TCP11: variants seen among roughly 807,000 people sequenced by gnomAD.
The protein encoded by TCP11 is T-complex protein 11 homolog.
TCP11 carries 34 observed loss-of-function variants against 45.0 expected under a neutral mutation model. That is an observed-to-expected ratio of 0.76 (90% CI 0.57 to 1.01). The LOEUF is 1.01. Among genes scored for constraint, TCP11 ranks in the 50% least tolerant of loss-of-function variants. TCP11 has a pLI of 0.00. For synonymous variants in TCP11, 227 were observed against 227.0 expected, an observed-to-expected ratio of 1.00 and a Z score of 0.00; for missense variants, 523 against 598.1, an observed-to-expected ratio of 0.87 and a Z score of 1.31.
chr6:35,141,141 C>T (rs1369164543), intron 1 of TCP11, 64 bp downstream of exon 1: 5 of 1,312,356 alleles, frequency 3.8e-6, no homozygotes, highest in Non-Finnish European at 4.8e-6. Context: ...CCTTCCTTCG[C>T]GGCGAGGTGC....
At chr6:35,133,510 G>A (rs1780693454) in intron 3 of TCP11, among the ~76,000 whole-genome samples, 1 of 151,856 alleles carries the variant, frequency 6.6e-6, no homozygotes, top group Non-Finnish European at 1.5e-5. Flanking sequence ...ATAAAATCTG[G>A]GCCAGGTGTG....
intron 4 of TCP11, among the ~76,000 whole-genome samples, chr6:35,127,207 G>T (rs1779924013): frequency 6.6e-6 from 1 of 152,178 alleles, no homozygotes; most frequent in African/African-American, 2.4e-5. Flanking sequence ...GTAAAAAAAG[G>T]AGTTACTGTA....
intron 3 of TCP11, among the ~76,000 whole-genome samples, chr6:35,130,741 T>C (rs952063800): frequency 4.6e-5 from 7 of 152,054 alleles, no homozygotes; most frequent in African/African-American, 1.2e-4. Context: ...TATAGAGAAA[T>C]AGGAACTCAC....
chr6:35,119,077 C>T (rs892681038), intron 9 of TCP11, 151 bp downstream of exon 9: 22 of 996,520 alleles, frequency 2.2e-5, no homozygotes, highest in Middle Eastern at 3.0e-4. Context: ...TAAACTGAGA[C>T]GGATATGATT....
intron 4 of TCP11, 44 bp downstream of exon 4, chr6:35,129,018 G>C (rs1165632040): frequency 1.9e-6 from 3 of 1,604,120 alleles, no homozygotes; most frequent in Non-Finnish European, 2.6e-6. Flanking sequence ...CAATGAGCTG[G>C]AGATGTCTAG....
Position 35,120,213 on chromosome 6 carries a change from A to G in TCP11, c.1061T>C (p.Phe354Ser). The G allele has an allele frequency of 6.2e-7, 1 of 1,614,216 alleles. No homozygotes were observed. Among genetic ancestry groups the G allele is most frequent in the South Asian group, 1.1e-5 (1 of 91,084 alleles). ...GGTTATGCGTTTCAGTTTATCTACA[A>G]ATTGGGGTGAGCCAAACAAAACACT... ...SGSVLFGSPQ[F>S]VDKLKRITKS... Residue 354 changes from phenylalanine to serine, a missense_variant, in exon 8 of 10, where the codon TTT (phenylalanine) becomes TCT (serine). Phe to Ser is a radical substitution (Grantham distance 155). Coordinates refer to ENST00000311875, the MANE Select transcript of TCP11 (RefSeq NM_001370687.1). The surrounding 1 kb of genome is among the most constrained non-coding windows in gnomAD (Gnocchi z 4.9).
In TCP11 at chr6:35,120,922, G is replaced by C. The variant is rs778994774; in HGVS notation, c.702C>G (p.Leu234=). ...QYERAKFQEL[L]NKQPSLLNHT... ...TTATATACATACTAGGCTGCTTATT[G>C]AGGAGTTCCTGGAATTTAGCCCGTT... Residue 234 remains leucine, a synonymous_variant, in exon 6 of 10, where the codon CTC becomes CTG. Coordinates refer to ENST00000311875, the MANE Select transcript of TCP11 (RefSeq NM_001370687.1). The surrounding 1 kb of genome is among the most constrained non-coding windows in gnomAD (Gnocchi z 4.9). The C allele has an allele frequency of 1.2e-6, 2 of 1,613,622 alleles. No homozygotes were observed. The highest frequency in any genetic ancestry group is 1.7e-6 in the Non-Finnish European group (2 of 1,179,834).
In TCP11 at chr6:35,120,305, C is replaced by T. The variant is rs1779085487; in HGVS notation, c.969G>A (p.Leu323=). 1.9e-6 allele frequency: 3 copies of T among 1,614,190 alleles called. No individual in the cohort carries two copies. The highest frequency in any genetic ancestry group is 2.5e-6 in the Non-Finnish European group (3 of 1,179,986). The change falls in exon 8 of 10, where the codon CTG becomes CTA. Residue 323 remains leucine (L), a synonymous_variant. Transcript: ENST00000311875. The surrounding 1 kb of genome is among the most constrained non-coding windows in gnomAD (Gnocchi z 4.9). ...CGGTTAACTGGTGCAACTGGGACTT[C>T]AGCTCCTGCAGCCGGGTTCTGTCCA... is the stretch of plus-strand genomic sequence containing the variant. The part of the protein sequence containing the change: ...LLMDRTRLQE[L]KSQLHQLTVM...
chr6:35,124,882 AT>A (rs1330695085), intron 4 of TCP11, among the ~76,000 whole-genome samples: 1 of 150,834 alleles, frequency 6.6e-6, no homozygotes, highest in Non-Finnish European at 1.5e-5. Flanking sequence ...ATAATAAAAA[AT>A]ATATATATAT....
In TCP11 at chr6:35,127,000, A is replaced by G. The variant is rs189678918; in HGVS notation, c.357+2062T>C. Among the ~76,000 whole-genome samples, 305 of 152,152 alleles carry G rather than the reference A, an allele frequency of 2.0e-3. 1 individual carries two copies. The highest frequency in any genetic ancestry group is 4.8e-3 in the African/African-American group (199 of 41,516). Reference sequence around the variant, plus strand: ...GTGCTGTCCCCTAATGCCAGAATACATGGGTCCAGGAATCAAGCAGTAGAA... The same window carrying G: ...GTGCTGTCCCCTAATGCCAGAATACGTGGGTCCAGGAATCAAGCAGTAGAA... On this transcript the variant is annotated intron_variant, in intron 4 of 9. Coordinates refer to ENST00000311875, the MANE Select transcript of TCP11 (RefSeq NM_001370687.1).
chr6:35,119,722 T>TTA (rs1554165841), intron 8 of TCP11, among the ~76,000 whole-genome samples: 15 of 152,326 alleles, frequency 9.8e-5, no homozygotes, highest in African/African-American at 2.6e-4. Context: ...GACTTTATTT[T>TTA]TATATATATA....
In TCP11 at chr6:35,120,903, A is replaced by G. The variant is rs923485179; in HGVS notation, c.715+6T>C. The G allele has an allele frequency of 2.5e-6, 4 of 1,612,342 alleles. No homozygotes were observed. Among genetic ancestry groups the G allele is most frequent in the Non-Finnish European group, 8.5e-7 (1 of 1,179,254 alleles). ...TCCCACTCCTGCCCTCACATTATAT[A>G]CATACTAGGCTGCTTATTGAGGAGT... is the stretch of plus-strand genomic sequence containing the variant. On this transcript the variant is annotated splice_donor_region_variant and intron_variant, in intron 6 of 9. Coordinates refer to ENST00000311875, the MANE Select transcript of TCP11 (RefSeq NM_001370687.1). The surrounding 1 kb of genome is among the most constrained non-coding windows in gnomAD (Gnocchi z 4.9).
At chr6:35,129,221 CA>C in intron 3 of TCP11, 39 bp from the exon 4 acceptor site, 5 of 1,591,488 alleles carry the variant, frequency 3.1e-6, no homozygotes, top group East Asian at 2.3e-5. Context: ...TCTCTCAACC[CA>C]AAAACAGTTA....
rs994258881 is a variant in TCP11, at chr6:35,118,127, T to G, written c.*142A>C. On this transcript the variant is annotated 3_prime_UTR_variant, in exon 10 of 10. Transcript: ENST00000311875. ...GGGTATGGACCAGTTGGTGTTTACATGCTTGATCCCTACAGCCTTGGTGTA... is the reference window on the plus strand; with the variant it reads ...GGGTATGGACCAGTTGGTGTTTACAGGCTTGATCCCTACAGCCTTGGTGTA... 8.1e-5 allele frequency: 56 copies of G among 692,858 alleles called. No individual in the cohort carries two copies. Among genetic ancestry groups the G allele is most frequent in the Middle Eastern group, 7.6e-4 (2 of 2,618 alleles). The allele number at this position is 692,858 out of a possible 1,614,324, so 42.9% of individuals were successfully genotyped here. A position where few individuals can be genotyped will look rare whatever the true frequency, so the allele number is the denominator to read the frequency against.
Position 35,122,159 on chromosome 6 carries a change from A to G in TCP11, c.536T>C (p.Val179Ala). The change falls in exon 5 of 10, where the codon GTG (valine) becomes GCG (alanine). Residue 179 changes from valine to alanine, a missense_variant. Val to Ala is a moderately conservative substitution (Grantham distance 64). This residue lies in a region of TCP11 where 298 missense variants were observed against 387.9 expected (regional missense o/e 0.77). Transcript: ENST00000311875. Reference protein sequence around the residue: ...LLCAPVRDEAVQKLENITDPV... With the variant: ...LLCAPVRDEAAQKLENITDPV... ...ATCCGTAATGTTTTCTAGTTTCTGC[A>G]CTGCTTCATCTCGAACTGGTGCACA... 1.9e-6 allele frequency: 3 copies of G among 1,614,192 alleles called. No individual in the cohort carries two copies. Among genetic ancestry groups the G allele is most frequent in the Non-Finnish European group, 2.5e-6 (3 of 1,180,032 alleles).
Position 35,118,517 on chromosome 6 carries a change from G to T in TCP11, c.1280-16C>A, listed in dbSNP as rs1461505366. 3 of 1,609,118 alleles carry T rather than the reference G, an allele frequency of 1.9e-6. No homozygotes were observed. Among genetic ancestry groups the T allele is most frequent in the East Asian group, 2.2e-5 (1 of 44,848 alleles). On this transcript the variant is annotated splice_polypyrimidine_tract_variant and intron_variant, in intron 9 of 9. Transcript: ENST00000311875. ...ATCCGCTGATCTGTGAGCAGGAAAA[G>T]ACACTGATAAGGGAAAAGGCAAACA...
At chr6:35,126,650 C>CTT (rs56010838) in intron 4 of TCP11, among the ~76,000 whole-genome samples, 1,317 of 66,878 alleles carry the variant, frequency 0.02, 78 homozygotes, top group Middle Eastern at 0.042. Flanking sequence ...GAATCAAAGA[C>CTT]TTTTTTTTTT....
At position 35,120,054 on chromosome 6, in the gene TCP11, G is replaced by T; in HGVS notation, c.1115+105C>A. The T allele has an allele frequency of 7.3e-7, 1 of 1,365,880 alleles. No individual in the cohort carries two copies. Among genetic ancestry groups the T allele is most frequent in the African/African-American group, 1.5e-5 (1 of 68,954 alleles). 84.6% of individuals were successfully genotyped at this position (1,365,880 alleles called of 1,614,324 possible). On this transcript the variant is annotated intron_variant, in intron 8 of 9. Transcript: ENST00000311875. The surrounding 1 kb of genome is among the most constrained non-coding windows in gnomAD (Gnocchi z 4.9). ...CAATCTTTGTAGATGGTTCCACAGG[G>T]CCTTTCTGTGGTTTGTGGTAGACAG...
In TCP11 at chr6:35,141,298, G is replaced by A. The variant is rs1781761866; in HGVS notation, c.-108C>T. The A allele has an allele frequency of 3.9e-6, 5 of 1,288,138 alleles. No individual in the cohort carries two copies. Among genetic ancestry groups the A allele is most frequent in the Admixed American group, 8.3e-5 (2 of 23,964 alleles). 79.8% of individuals were successfully genotyped at this position (1,288,138 alleles called of 1,614,324 possible). ...AGCGTACCACCGCGGCGGAGCGGCG[G>A]GTTGGGGCGTCGCACGGTGAGAAAG... On this transcript the variant is annotated 5_prime_UTR_variant, in exon 1 of 10. Coordinates refer to ENST00000311875, the MANE Select transcript of TCP11 (RefSeq NM_001370687.1).
Sources: allele counts gnomAD v4.1 joint callset (sites outside exome capture counted in the v4.1 genomes callset), GRCh38; gene constraint gnomAD v4.1.1; regional missense constraint gnomAD v4.1.1; non-coding constraint Gnocchi (gnomAD v3.1); transcripts MANE v1.5; gene names NCBI Gene and HGNC (gene_info 2026-07-23, HGNC 2026-07-21).